Variants in CELA3B observed in about 807,000 individuals in gnomAD.
The protein encoded by CELA3B is chymotrypsin-like elastase family member 3B.
CELA3B carries 34 observed loss-of-function variants against 37.2 expected under a neutral mutation model. The ratio of observed to expected loss-of-function variants is 0.91; its 90% CI spans 0.70 to 1.22. The LOEUF is 1.22. Among genes scored for constraint, CELA3B ranks in the 50% most tolerant of loss-of-function variants. CELA3B has a pLI of 0.00. For synonymous variants in CELA3B, 127 were observed against 143.5 expected, an observed-to-expected ratio of 0.89 and a Z score of 0.82; for missense variants, 340 against 363.1, an observed-to-expected ratio of 0.94 and a Z score of 0.52.
At chr1:21,995,204 CAT>C (rs1183912880) in intron 4 of CELA3B, among the ~76,000 whole-genome samples, 2 of 143,240 alleles carry the variant, frequency 1.4e-5, no homozygotes, top group African/African-American at 5.3e-5. Context: ...AGTGCAGTGG[CAT>C]GACCTCACTG....
intron 7 of CELA3B, chr1:21,986,895 A>G (rs1045620711): frequency 4.9e-6 from 3 of 607,042 alleles, no homozygotes; most frequent in Non-Finnish European, 8.9e-6. Flanking sequence ...GCTTGGAACT[A>G]CAGCTGAACT....
At chr1:21,988,005 G>C (rs1165913327) in intron 7 of CELA3B, 1 of 148,380 alleles carries the variant, frequency 6.7e-6, no homozygotes, top group East Asian at 2.0e-4. Context: ...GAGGTCAGGA[G>C]TTCAAGACCA....
intron 4 of CELA3B, among the ~76,000 whole-genome samples, chr1:21,982,228 C>G (rs574652691): frequency 6.6e-6 from 1 of 152,178 alleles, no homozygotes; most frequent in South Asian, 2.1e-4. Flanking sequence ...TGGAGTGACA[C>G]GCAGGCAGGT....
intron 4 of CELA3B, among the ~76,000 whole-genome samples, chr1:21,994,602 G>A (rs1302398839): frequency 6.6e-6 from 1 of 151,072 alleles, no homozygotes; most frequent in Non-Finnish European, 1.5e-5. Context: ...GCCGGTGTGG[G>A]GCAGAGCCAG....
intron 2 of CELA3B, among the ~76,000 whole-genome samples, chr1:21,979,713 C>G (rs1168823956): frequency 6.6e-6 from 1 of 151,134 alleles, no homozygotes; most frequent in Non-Finnish European, 1.5e-5. Flanking sequence ...CTTGACCTCC[C>G]ACAGTGCTGG....
At chr1:21,982,087 G>A (rs1024029440) in intron 4 of CELA3B, among the ~76,000 whole-genome samples, 1 of 152,122 alleles carries the variant, frequency 6.6e-6, no homozygotes, top group Non-Finnish European at 1.5e-5. Context: ...TCTGGCGAGA[G>A]GGTCAAAGAC....
rs370628714 is a variant in CELA3B, at chr1:21,995,704, G to C, written c.505-2447G>C. Among the ~76,000 whole-genome samples, 60 of 149,256 alleles carry C rather than the reference G, an allele frequency of 4.0e-4. 3 individuals are homozygous for C. The highest frequency in any genetic ancestry group is 1.4e-3 in the African/African-American group (56 of 39,716). ...TGCAGTTTTTGCCATCACTTTTAATGCCAGGGAAGCCAGAAGAAAGTATCA... is the reference window on the plus strand; with the variant it reads ...TGCAGTTTTTGCCATCACTTTTAATCCCAGGGAAGCCAGAAGAAAGTATCA... On this transcript the variant is annotated intron_variant, in intron 4 of 4. Transcript: ENST00000400277.
chr1:21,979,453 C>CTTTTTTT (rs66459906), intron 2 of CELA3B, among the ~76,000 whole-genome samples: 2 of 85,450 alleles, frequency 2.3e-5, no homozygotes, highest in African/African-American at 4.2e-5. Flanking sequence ...CTTTTCTTTT[C>CTTTTTTT]TTTTTTTTTT....
At position 21,987,742 on chromosome 1, in the gene CELA3B, A is replaced by G. The variant is rs1384137995; in HGVS notation, c.795+1059A>G. 2.0e-5 allele frequency: 3 copies of G among 149,590 alleles called. No homozygotes were observed. In the South Asian group the frequency reaches 6.3e-4, roughly 31 times the overall value. 9.3% of individuals were successfully genotyped at this position (149,590 alleles called of 1,614,324 possible). On this transcript the variant is annotated intron_variant, in intron 7 of 7. Coordinates refer to ENST00000337107, the MANE Select transcript of CELA3B (RefSeq NM_007352.4). Reference sequence around the variant, plus strand: ...GATCACACCTGTGAATAGCCACTGTACTCCAGCCTGGGCAACACAGCAAGA... The same window carrying G: ...GATCACACCTGTGAATAGCCACTGTGCTCCAGCCTGGGCAACACAGCAAGA...
intron 7 of CELA3B, chr1:21,987,084 T>G (rs1433167813): frequency 2.5e-5 from 9 of 357,574 alleles, no homozygotes; most frequent in Non-Finnish European, 5.0e-5. Flanking sequence ...AGACTTCATC[T>G]GGGGATGGGT....
intron 4 of CELA3B, among the ~76,000 whole-genome samples, chr1:21,982,885 T>C (rs2152816107): frequency 6.6e-6 from 1 of 152,216 alleles, no homozygotes; most frequent in Non-Finnish European, 1.5e-5. Flanking sequence ...TTCACCGTGT[T>C]AGCCAGGATG....
At chr1:21,981,658 A>C (rs1644805543) in intron 4 of CELA3B, among the ~76,000 whole-genome samples, 2 of 152,068 alleles carry the variant, frequency 1.3e-5, no homozygotes, top group Admixed American at 6.5e-5. Flanking sequence ...GGTGACCATG[A>C]AGTTGGGCCT....
intron 4 of CELA3B, 98 bp from the exon 5 acceptor site, chr1:21,983,595 TG>T (rs1644818323): frequency 6.5e-7 from 1 of 1,527,872 alleles, no homozygotes; most frequent in Non-Finnish European, 8.9e-7. Flanking sequence ...GTGAAGGAGC[TG>T]GGGCATCTCA....
chr1:21,985,306 C>A lies in CELA3B; in HGVS notation c.642+975C>A, dbSNP rs112217913. ...TTTTTTTTTTTTTTTGAGACAGGAT[C>A]TTGCTCTGTTGCCCAGGCTGCAGTG... On this transcript the variant is annotated intron_variant, in intron 6 of 7. Transcript: ENST00000337107. Among the ~76,000 whole-genome samples the A allele has an allele frequency of 6.3e-4, 91 of 144,526 alleles. 1 individual carries two copies. The highest frequency in any genetic ancestry group is 8.1e-4 in the Non-Finnish European group (54 of 66,428). 94.8% of individuals were successfully genotyped at this position (144,526 alleles called of 152,430 possible). A position where few individuals can be genotyped will look rare whatever the true frequency, so the allele number is the denominator to read the frequency against.
chr1:21,977,047 T>C lies in CELA3B; in HGVS notation c.8T>C (p.Leu3Pro). ...CCTATCATCGCAAAACTCATGATGC[T>C]CCGGCTGCTCAGTTCCCTCCTCCTT... MMLRLLSSLLLVA... is the reference protein window; with the variant it reads MMPRLLSSLLLVA... The change falls in exon 1 of 8, where the codon CTC becomes CCC. Residue 3 changes from leucine (L) to proline (P), a missense_variant. By Grantham distance (98) the Leu-to-Pro change is moderately conservative (BLOSUM62 -3). Transcript: ENST00000337107. 1 of 1,614,170 alleles carries C rather than the reference T, an allele frequency of 6.2e-7. No homozygotes were observed. The highest frequency in any genetic ancestry group is 1.3e-5 in the African/African-American group (1 of 75,046).
intron 4 of CELA3B, among the ~76,000 whole-genome samples, chr1:21,996,142 G>A (rs1187760675): frequency 1.3e-5 from 2 of 151,266 alleles, no homozygotes; most frequent in African/African-American, 4.9e-5. Context: ...GAACCTGGGA[G>A]GTGGAGGCTG....
Position 21,985,280 on chromosome 1 carries a change from C to CTTTTTTTTT in CELA3B, c.642+956_642+964dup, listed in dbSNP as rs550752207. Among the ~76,000 whole-genome samples the CTTTTTTTTT allele has an allele frequency of 1.4e-5, 2 of 145,592 alleles. 1 individual carries two copies. ...CCTGGGCGACAGAGCAAGATGTTGT[C>CTTTTTTTTT]TTTTTTTTTTTTTTTGAGACAGGAT... On this transcript the variant is annotated intron_variant, in intron 6 of 7. Transcript: ENST00000337107.
chr1:21,997,110 G>A (rs12075666), intron 4 of CELA3B, among the ~76,000 whole-genome samples: 1,477 of 145,040 alleles, frequency 0.01, 80 homozygotes, highest in African/African-American at 0.035. Flanking sequence ...CTGTAATCCT[G>A]GCATTTTGGG....
At chr1:21,985,101 G>A (rs997236499) in intron 6 of CELA3B, among the ~76,000 whole-genome samples, 1 of 151,796 alleles carries the variant, frequency 6.6e-6, no homozygotes, top group Non-Finnish European at 1.5e-5. Context: ...GTAACATAGT[G>A]AGATGCCCAT....
Sources: allele counts gnomAD v4.1 joint callset (sites outside exome capture counted in the v4.1 genomes callset), GRCh38; gene constraint gnomAD v4.1.1; transcripts MANE v1.5; gene names NCBI Gene and HGNC (gene_info 2026-07-23, HGNC 2026-07-21).